The following SPRED2 variants were observed in gnomAD, a reference collection of about 807,000 sequenced individuals.
The protein encoded by SPRED2 is sprouty related EVH1 domain containing 2.
In SPRED2, 47 loss-of-function variants were observed where a neutral mutation model predicts 43.0. That is an observed-to-expected ratio of 1.09 (90% confidence interval 0.87 to 1.40). The LOEUF (loss-of-function observed/expected upper bound fraction) is 1.40, where lower values mean the gene tolerates loss of function less well. SPRED2 is among the 40% of genes most tolerant of loss of function. SPRED2 has a pLI of 0.00. For synonymous variants in SPRED2, 225 were observed against 225.7 expected, an observed-to-expected ratio of 1.00 and a Z score of 0.03; for missense variants, 561 against 586.4, an observed-to-expected ratio of 0.96 and a Z score of 0.45.
At chr2:65,338,420 G>GC (rs1276376629) in intron 2 of SPRED2, among the ~76,000 whole-genome samples, 2 of 151,438 alleles carry the variant, frequency 1.3e-5, no homozygotes, top group East Asian at 3.9e-4. Context: ...GCCTCAGCCT[G>GC]CCGAGTGCCT....
At chr2:65,413,543 C>A (rs777164758) in intron 1 of SPRED2, among the ~76,000 whole-genome samples, 14 of 152,216 alleles carry the variant, frequency 9.2e-5, no homozygotes, top group Admixed American at 9.2e-4. Context: ...AATTGGTTAT[C>A]GCTGCTGCAG....
intron 1 of SPRED2, among the ~76,000 whole-genome samples, chr2:65,405,566 T>G (rs1361692053): frequency 8.5e-5 from 13 of 152,212 alleles, no homozygotes; most frequent in African/African-American, 3.1e-4. Flanking sequence ...CTCCCCCAAT[T>G]AAGTCCAATA....
At chr2:65,309,080 C>T (rs908050021), downstream of SPRED2, among the ~76,000 whole-genome samples, 4 of 151,122 alleles carry the variant, frequency 2.6e-5, no homozygotes, top group Non-Finnish European at 4.4e-5. Context: ...CACTAGAACC[C>T]GGGAGGCGAA....
downstream of SPRED2, among the ~76,000 whole-genome samples, chr2:65,310,458 TACACACACACACACACACACAC>T (rs55916427): frequency 7.3e-5 from 10 of 137,894 alleles, no homozygotes; most frequent in East Asian, 4.4e-4. Context: ...TCCTCCAAAC[TACACACACACACACACACACAC>T]ACACACACAC....
chr2:65,310,699 A>C (rs1259150484), downstream of SPRED2, among the ~76,000 whole-genome samples: 1 of 152,112 alleles, frequency 6.6e-6, no homozygotes, highest in Non-Finnish European at 1.5e-5. Context: ...TGACATAACC[A>C]TAGGAGGAAA....
chr2:65,337,069 C>T (rs1673987658), intron 2 of SPRED2, among the ~76,000 whole-genome samples: 4 of 152,028 alleles, frequency 2.6e-5, no homozygotes, highest in Admixed American at 1.3e-4. Context: ...GATCGTGCCA[C>T]TGCAGTCCAG....
At chr2:65,390,158 G>A (rs1675596843) in intron 1 of SPRED2, among the ~76,000 whole-genome samples, 1 of 152,194 alleles carries the variant, frequency 6.6e-6, no homozygotes, top group African/African-American at 2.4e-5. Context: ...CTTTCTGAGA[G>A]GAAGGTGACT....
intron 1 of SPRED2, among the ~76,000 whole-genome samples, chr2:65,368,272 A>C (rs1391182488): frequency 6.6e-6 from 1 of 152,198 alleles, no homozygotes; most frequent in African/African-American, 2.4e-5. Context: ...ATCCAACATC[A>C]AATTACAACC....
At chr2:65,399,269 CAAA>C (rs1360241172) in intron 1 of SPRED2, among the ~76,000 whole-genome samples, 1 of 78,788 alleles carries the variant, frequency 1.3e-5, no homozygotes. Flanking sequence ...AAATCTGTCT[CAAA>C]AAAAAAAAAA....
chr2:65,315,281 CA>C (rs1673200646), intron 5 of SPRED2, among the ~76,000 whole-genome samples: 1 of 151,418 alleles, frequency 6.6e-6, no homozygotes, highest in Non-Finnish European at 1.5e-5. Context: ...ACTCAGGTTC[CA>C]TTTCTGTCGA....
At chr2:65,410,617 G>T (rs1445381096) in intron 1 of SPRED2, among the ~76,000 whole-genome samples, 1 of 152,038 alleles carries the variant, frequency 6.6e-6, no homozygotes, top group African/African-American at 2.4e-5. Context: ...AAATTAGCCG[G>T]GCGTGGTGGT....
intron 1 of SPRED2, among the ~76,000 whole-genome samples, chr2:65,391,556 A>G (rs971781764): frequency 2.6e-5 from 4 of 152,260 alleles, no homozygotes; most frequent in Non-Finnish European, 5.9e-5. Context: ...CCAAGGCTGC[A>G]TAATATATCA....
At position 65,312,461 on chromosome 2, in the gene SPRED2, A is replaced by T; in HGVS notation, c.*1040T>A. 1 of 985,450 alleles carries T rather than the reference A, an allele frequency of 1.0e-6. No individual in the cohort carries two copies. Among genetic ancestry groups the T allele is most frequent in the Non-Finnish European group, 1.2e-6 (1 of 829,934 alleles). 61.0% of individuals were successfully genotyped at this position (985,450 alleles called of 1,614,324 possible). A position where few individuals can be genotyped will look rare whatever the true frequency, so the allele number is the denominator to read the frequency against. On this transcript the variant is annotated 3_prime_UTR_variant, in exon 6 of 6. Coordinates refer to ENST00000356388, the MANE Select transcript of SPRED2 (RefSeq NM_181784.3). ...ATAAAATAGCCAGGGGTTGGGGGGA[A>T]GAAGCTCCCTATGGTTTTATTCACC...
rs1292205776 is a variant in SPRED2, at chr2:65,344,834, C to A, written c.89G>T (p.Trp30Leu). Residue 30 changes from tryptophan to leucine, a missense_variant, in exon 2 of 6, where the codon TGG becomes TTG. By Grantham distance (61) the Trp-to-Leu change is moderately conservative. Coordinates refer to ENST00000356388, the MANE Select transcript of SPRED2 (RefSeq NM_181784.3). ...VMTRDDSSGG[W>L]FPQEGGGISR... ...GATCCCGCCTCCTTCCTGTGGGAACCATCCCCCGCTGGAGTCATCTCTGGT... is the reference window on the plus strand; with the variant it reads ...GATCCCGCCTCCTTCCTGTGGGAACAATCCCCCGCTGGAGTCATCTCTGGT... 1 of 1,614,148 alleles carries A rather than the reference C, an allele frequency of 6.2e-7. No individual in the cohort carries two copies.
intron 4 of SPRED2, among the ~76,000 whole-genome samples, chr2:65,328,857 G>A (rs972283681): frequency 1.2e-4 from 19 of 152,152 alleles, no homozygotes; most frequent in Non-Finnish European, 2.6e-4. Flanking sequence ...ATGTTTGCTG[G>A]GGATAGAGTA....
intron 4 of SPRED2, among the ~76,000 whole-genome samples, chr2:65,321,830 C>T (rs966528241): frequency 7.2e-5 from 11 of 151,774 alleles, no homozygotes; most frequent in African/African-American, 1.2e-4. Flanking sequence ...TGGAGTGCAG[C>T]GGCGGAATCT....
chr2:65,341,341 G>A (rs1402606190), intron 2 of SPRED2, among the ~76,000 whole-genome samples: 3 of 151,910 alleles, frequency 2.0e-5, no homozygotes, highest in African/African-American at 7.3e-5. Context: ...GACAGGAAAA[G>A]GGGTGGGGAA....
chr2:65,423,032 A>G (rs985246890), intron 1 of SPRED2, among the ~76,000 whole-genome samples: 1 of 152,264 alleles, frequency 6.6e-6, no homozygotes, highest in Non-Finnish European at 1.5e-5. Context: ...TATAAAAATG[A>G]GTAAAATTAC....
chr2:65,431,979 T>G lies in SPRED2; in HGVS notation c.9A>C (p.Glu3Asp), dbSNP rs1558697147. Residue 3 changes from glutamate (E) to aspartate (D), a missense_variant, in exon 1 of 6, where the codon GAA becomes GAC. This residue lies in a region of SPRED2 where 305 missense variants were observed against 282.4 expected (regional missense o/e 1.08). Transcript: ENST00000356388. MT[E>D]ETHPDDDSYI... ...AAACTTACTCGTCTGGGTGTGTTTC[T>G]TCGGTCATTTTCTTGTTCACCTAGA... 1 of 1,613,948 alleles carries G rather than the reference T, an allele frequency of 6.2e-7. No individual in the cohort carries two copies.
Sources: allele counts gnomAD v4.1 joint callset (sites outside exome capture counted in the v4.1 genomes callset), GRCh38; gene constraint gnomAD v4.1.1; regional missense constraint gnomAD v4.1.1; transcripts MANE v1.5; gene names NCBI Gene and HGNC (gene_info 2026-07-23, HGNC 2026-07-21).